MORC4: variants seen among roughly 807,000 people sequenced by gnomAD.
MORC4 encodes the protein MORC family CW-type zinc finger 4, also known as MORC family CW-type zinc finger protein 4.
Under a neutral mutation model 65.5 loss-of-function variants are expected in MORC4, and 22 were observed. The ratio of observed to expected loss-of-function variants is 0.34; its 90% CI spans 0.24 to 0.48. The LOEUF is 0.48. Ranked by LOEUF, MORC4 falls within the 20% of genes least tolerant of loss-of-function variation. MORC4 has a pLI of 0.99. For missense variants in MORC4, 624 were observed against 703.0 expected (o/e 0.89, Z 1.27); for synonymous variants, 267 against 255.8 (o/e 1.04, Z -0.42).
intron 9 of MORC4, among the ~76,000 whole-genome samples, chrX:106,976,125 G>C (rs1257352551): frequency 9.0e-6 from 1 of 111,631 alleles, no homozygotes; most frequent in African/African-American, 3.2e-5. Flanking sequence ...CTGTTTGCCT[G>C]CCCTATTAAA....
At chrX:106,945,487 T>C (rs1333947869) in intron 14 of MORC4, among the ~76,000 whole-genome samples, 1 of 104,467 alleles carries the variant, frequency 9.6e-6, no homozygotes, top group Non-Finnish European at 2.0e-5. Context: ...AGCATAAAAG[T>C]ATAAGTTCCT....
intron 8 of MORC4, among the ~76,000 whole-genome samples, 159 bp downstream of exon 8, chrX:106,977,921 C>T (rs767113538): frequency 9.0e-6 from 1 of 111,425 alleles, no homozygotes; most frequent in African/African-American, 3.2e-5. Context: ...GAGATTTCAA[C>T]ACAAGACAGC....
chrX:106,996,392 C>T (rs964678523), intron 2 of MORC4, among the ~76,000 whole-genome samples: 3 of 109,494 alleles, frequency 2.7e-5, no homozygotes, highest in Admixed American at 9.8e-5. Context: ...CCAGCAAGCA[C>T]GGTTTTGTAC....
At chrX:106,946,824 T>C (rs904041733) in intron 14 of MORC4, among the ~76,000 whole-genome samples, 7 of 111,552 alleles carry the variant, frequency 6.3e-5, no homozygotes, top group Non-Finnish European at 1.1e-4. Flanking sequence ...GTATTTTCTG[T>C]AGAGACAGGG....
chrX:106,941,804 TAAG>T (rs1402453542), intron 16 of MORC4, 131 bp downstream of exon 16: 1 of 837,004 alleles, frequency 1.2e-6, no homozygotes, highest in African/African-American at 2.1e-5. Flanking sequence ...TGCAGCTTTC[TAAG>T]AAGTAATTAC....
chrX:106,986,261 CTAAGA>C, intron 3 of MORC4, 61 bp from the exon 4 acceptor site: 1 of 877,770 alleles, frequency 1.1e-6, no homozygotes, highest in Non-Finnish European at 1.6e-6. Context: ...AAAAAGCATC[CTAAGA>C]TAGGTGACAG....
At chrX:106,976,835 C>A in intron 8 of MORC4, 151 bp from the exon 9 acceptor site, 2 of 380,340 alleles carry the variant, frequency 5.3e-6, no homozygotes, top group Non-Finnish European at 9.2e-6. Context: ...GAATGTACAT[C>A]AACAGACTGC....
chrX:106,965,385 TC>T (rs1934349586), intron 9 of MORC4, among the ~76,000 whole-genome samples: 1 of 110,766 alleles, frequency 9.0e-6, no homozygotes, highest in Non-Finnish European at 1.9e-5. Flanking sequence ...ATAAAAAAAA[TC>T]ACCTAAACAC....
At chrX:106,992,959 C>T (rs984372623) in intron 3 of MORC4, among the ~76,000 whole-genome samples, 1 of 112,161 alleles carries the variant, frequency 8.9e-6, no homozygotes, top group African/African-American at 3.2e-5. Flanking sequence ...ATTGGGCTCC[C>T]CTGATGACTT....
At chrX:106,962,976 G>C (rs999493703) in intron 9 of MORC4, among the ~76,000 whole-genome samples, 6 of 111,057 alleles carry the variant, frequency 5.4e-5, no homozygotes, top group Non-Finnish European at 7.5e-5. Context: ...CTCTTCTCTT[G>C]TTAAGAGAAA....
chrX:106,969,851 A>G, intron 9 of MORC4, among the ~76,000 whole-genome samples: 3 of 111,906 alleles, frequency 2.7e-5, no homozygotes. Context: ...TACCAACCAA[A>G]AAAAGTCCAG....
intron 9 of MORC4, among the ~76,000 whole-genome samples, chrX:106,970,599 G>A (rs748306467): frequency 8.0e-5 from 9 of 111,836 alleles, no homozygotes; most frequent in Non-Finnish European, 1.3e-4. Flanking sequence ...AAATCTCCTT[G>A]AGCTGATAAG....
chrX:106,962,477 T>C (rs1934273291), intron 9 of MORC4, among the ~76,000 whole-genome samples: 1 of 112,316 alleles, frequency 8.9e-6, no homozygotes, highest in Non-Finnish European at 1.9e-5. Flanking sequence ...GATAAGTTGA[T>C]GGGGAGTTAT....
chrX:106,948,631 A>G (rs1022611334), intron 14 of MORC4, among the ~76,000 whole-genome samples: 1 of 111,831 alleles, frequency 8.9e-6, no homozygotes, highest in African/African-American at 3.2e-5. Context: ...TGCTGGCAAC[A>G]AATTCCTTCA....
In MORC4 at chrX:106,984,727, G is replaced by A. The variant is rs904583665; in HGVS notation, c.674+369C>T. ...CTCAACCTCATGATCTGCCCACCTC[G>A]GCCTCCCAAAGTGCTGGAATTACAA... On this transcript the variant is annotated intron_variant, in intron 5 of 16. Transcript: ENST00000355610. 1.4e-4 allele frequency among the ~76,000 whole-genome samples: 15 copies of A among 108,709 alleles called. 1 individual carries two copies. The highest frequency in any genetic ancestry group is 4.9e-4 in the Admixed American group (5 of 10,166). 94.4% of individuals were successfully genotyped at this position (108,709 alleles called of 115,157 possible).
chrX:106,999,679 A>G lies in MORC4; in HGVS notation c.173T>C (p.Leu58Pro). 8.9e-7 allele frequency: 1 copy of G among 1,129,279 alleles called. No individual in the cohort carries two copies. The highest frequency in any genetic ancestry group is 1.9e-5 in the African/African-American group (1 of 51,994). 93.1% of individuals were successfully genotyped at this position (1,129,279 alleles called of 1,213,427 possible). The change falls in exon 2 of 17, where the codon CTA (leucine) becomes CCA (proline). Residue 58 changes from leucine (L) to proline (P), a missense_variant and splice_region_variant. Transcript: ENST00000355610. ...CCGGGCCCGCCCTCGCCACTCACCT[A>G]GCAGCTCCGCGATGGCACTGAAGGG... ...TRPFSAIAEL[L>P]DNAVDPDVSA...
Position 106,993,371 on chromosome X carries a change from G to A in MORC4, c.176-9C>T. ...TGGATCTACAGCATTATCTGCAAAA[G>A]GTAGAAATCTGCGATATTAGATCCC... On this transcript the variant is annotated splice_polypyrimidine_tract_variant and intron_variant, in intron 2 of 16. Coordinates refer to ENST00000355610, the MANE Select transcript of MORC4 (RefSeq NM_024657.5). 1 of 1,202,831 alleles carries A rather than the reference G, an allele frequency of 8.3e-7. No homozygotes were observed. The highest frequency in any genetic ancestry group is 1.1e-6 in the Non-Finnish European group (1 of 890,533).
At chrX:106,942,307 T>G in intron 15 of MORC4, 86 bp from the exon 16 acceptor site, 1 of 1,057,346 alleles carries the variant, frequency 9.5e-7, no homozygotes, top group Non-Finnish European at 1.3e-6. Flanking sequence ...GTGATTCCAC[T>G]ATACATATTC....
At chrX:106,954,048 G>A (rs889073948) in intron 14 of MORC4, among the ~76,000 whole-genome samples, 3 of 112,726 alleles carry the variant, frequency 2.7e-5, no homozygotes, top group Non-Finnish European at 3.8e-5. Context: ...GCTTGAACCC[G>A]GGACGGGGAG....
Sources: gnomAD v4.1 joint callset for allele counts (sites outside exome capture counted in the v4.1 genomes callset) on GRCh38, gnomAD v4.1.1 for gene constraint, MANE v1.5 for transcripts, NCBI Gene and HGNC (gene_info 2026-07-23, HGNC 2026-07-21) for gene names.